Variants in SPATA7 observed in about 807,000 individuals in gnomAD.
The protein encoded by SPATA7 is spermatogenesis-associated protein 7.
Under a neutral mutation model 51.8 loss-of-function variants are expected in SPATA7, and 43 were observed. That is an observed-to-expected ratio of 0.83 (90% CI 0.65 to 1.07). The LOEUF (loss-of-function observed/expected upper bound fraction) is 1.07, where lower values mean the gene tolerates loss of function less well. Among genes scored for constraint, SPATA7 ranks in the 50% least tolerant of loss-of-function variants. SPATA7 has a pLI of 0.00. For synonymous variants in SPATA7, 230 were observed against 252.8 expected, an observed-to-expected ratio of 0.91 and a Z score of 0.86; for missense variants, 683 against 701.3, an observed-to-expected ratio of 0.97 and a Z score of 0.30.
chr14:88,438,364 A>C lies in SPATA7; in HGVS notation c.1742A>C (p.Glu581Ala), dbSNP rs1267851859. 6.2e-7 allele frequency: 1 copy of C among 1,614,054 alleles called. No individual in the cohort carries two copies. ...SVKGDNNHDM[E>A]LSTLKIMEMS... Reference sequence around the variant, plus strand: ...AAAGGCGACAATAATCATGACATGGAGTTATCAACTCTTAAAATCATGGAA... The same window carrying C: ...AAAGGCGACAATAATCATGACATGGCGTTATCAACTCTTAAAATCATGGAA... The change falls in exon 12 of 12, where the codon GAG (glutamate) becomes GCG (alanine). Residue 581 changes from glutamate (E) to alanine (A), a missense_variant. Physicochemically the swap from Glu to Ala is moderately radical, Grantham distance 107. Coordinates refer to ENST00000393545, the MANE Select transcript of SPATA7 (RefSeq NM_018418.5).
At chr14:88,427,358 A>G (rs766338094) in intron 6 of SPATA7, among the ~76,000 whole-genome samples, 1 of 152,234 alleles carries the variant, frequency 6.6e-6, no homozygotes. Context: ...AGTATTACAT[A>G]AACAATTTAT....
Position 88,469,195 on chromosome 14 carries a change from C to CAG in SPATA7, c.255-651_255-650dup, listed in dbSNP as rs764330613. 6.8e-6 allele frequency: 8 copies of CAG among 1,169,266 alleles called. No homozygotes were observed. In the East Asian group the frequency reaches 1.0e-4, roughly 15 times the overall value. The allele number at this position is 1,169,266 out of a possible 1,614,324, so 72.4% of individuals were successfully genotyped here. ...ACTGCAGATAAAGAGCACTGGGTGC[C>CAG]AGTGAACCAAACCCAACCACAAAGG... On this transcript the variant is annotated intron_variant, in intron 4 of 4. Coordinates refer to the SPATA7 transcript ENST00000556406. This position sits in a 1 kb window ranked among gnomAD's most constrained non-coding sequence, Gnocchi z 4.3.
chr14:88,419,780 C>A (rs577844654), intron 5 of SPATA7, among the ~76,000 whole-genome samples: 53 of 152,096 alleles, frequency 3.5e-4, no homozygotes, highest in Non-Finnish European at 5.7e-4. Flanking sequence ...CTGCCTCGGC[C>A]TCCCAAAGTG....
chr14:88,391,474 A>G lies in SPATA7; in HGVS notation c.94+19A>G. ...AGTAATGGTAAGTGAGGTGCTTAAA[A>G]CGGCAGCTTTGTTAGAAGATTGTCT... On this transcript the variant is annotated intron_variant, in intron 2 of 11. Coordinates refer to ENST00000393545, the MANE Select transcript of SPATA7 (RefSeq NM_018418.5). 1 of 1,606,448 alleles carries G rather than the reference A, an allele frequency of 6.2e-7. No homozygotes were observed. Among genetic ancestry groups the G allele is most frequent in the South Asian group, 1.1e-5 (1 of 90,720 alleles).
chr14:88,441,758 A>G (rs1344534125), downstream of SPATA7, among the ~76,000 whole-genome samples: 1 of 152,130 alleles, frequency 6.6e-6, no homozygotes, highest in East Asian at 1.9e-4. Flanking sequence ...CCTTTGTCAG[A>G]TGTATAGATT....
intron 4 of SPATA7, among the ~76,000 whole-genome samples, chr14:88,410,090 T>A (rs1482789224): frequency 6.6e-6 from 1 of 152,216 alleles, no homozygotes; most frequent in Non-Finnish European, 1.5e-5. Flanking sequence ...GAGAGTTCTG[T>A]AGATGTCTAG....
intron 4 of SPATA7, among the ~76,000 whole-genome samples, chr14:88,405,543 C>T (rs1306873583): frequency 7.2e-5 from 11 of 152,076 alleles, no homozygotes; most frequent in Non-Finnish European, 1.2e-4. Flanking sequence ...AATGTGTGTC[C>T]ATAGTATTTA....
At chr14:88,431,119 T>C in intron 8 of SPATA7, 53 bp from the exon 9 acceptor site, 2 of 1,466,820 alleles carry the variant, frequency 1.4e-6, no homozygotes, top group Non-Finnish European at 1.9e-6. Flanking sequence ...TATTGAGTAC[T>C]TATTGTATGC....
At chr14:88,396,069 G>A (rs1290613724) in intron 3 of SPATA7, 87 bp from the exon 4 acceptor site, 12 of 1,046,044 alleles carry the variant, frequency 1.1e-5, no homozygotes, top group Non-Finnish European at 1.3e-5. Context: ...CAGCTGCAAG[G>A]TCTGGAACAT....
rs1400814162 is a variant in SPATA7, at chr14:88,469,552, T to C, written c.255-295T>C. ...GCCATGTTCAGGCCAGTCTGTGTAT[T>C]GGAGGTGCCAGACGGTCCTCTCTTG... is the stretch of plus-strand genomic sequence containing the variant. On this transcript the variant is annotated intron_variant, in intron 4 of 4. Coordinates refer to the SPATA7 transcript ENST00000556406. This position sits in a 1 kb window ranked among gnomAD's most constrained non-coding sequence, Gnocchi z 4.3. 6.2e-7 allele frequency: 1 copy of C among 1,614,080 alleles called. No individual in the cohort carries two copies. Among genetic ancestry groups the C allele is most frequent in the Admixed American group, 1.7e-5 (1 of 60,004 alleles).
intron 1 of SPATA7, among the ~76,000 whole-genome samples, chr14:88,387,009 G>C (rs571864572): frequency 1.3e-5 from 2 of 152,222 alleles, no homozygotes; most frequent in African/African-American, 4.8e-5. Flanking sequence ...TATGTACTAG[G>C]AACTATTTCC....
rs1390712284 is a variant in SPATA7 at position 88,424,844 on chromosome 14, G to A, written c.373-1388G>A. ...AATAAGGTTATAAAACAGTTGGAAA[G>A]GAAAGGTGATTTGACATATTTTAGA... On this transcript the variant is annotated intron_variant, in intron 5 of 11. Coordinates refer to ENST00000393545, the MANE Select transcript of SPATA7 (RefSeq NM_018418.5). Among the ~76,000 whole-genome samples, 7 of 152,228 alleles carry A rather than the reference G, an allele frequency of 4.6e-5. No individual in the cohort carries two copies. In the South Asian group the frequency reaches 1.2e-3, roughly 27 times the overall value.
At position 88,468,962 on chromosome 14, in the gene SPATA7, A is replaced by G. The variant is rs1473453081; in HGVS notation, c.255-885A>G. ...GATCATGATCTCCGACAAAATCACC[A>G]CGCCAGTCCTTCCTACCCCAGCACT... On this transcript the variant is annotated intron_variant, in intron 4 of 4. Transcript: ENST00000556406. 1 of 1,614,072 alleles carries G rather than the reference A, an allele frequency of 6.2e-7. No individual in the cohort carries two copies. The highest frequency in any genetic ancestry group is 1.7e-5 in the Admixed American group (1 of 60,006).
intron 4 of SPATA7, among the ~76,000 whole-genome samples, chr14:88,464,464 C>T (rs541786224): frequency 3.1e-4 from 47 of 152,290 alleles, no homozygotes; most frequent in African/African-American, 1.1e-3. Context: ...GGCATGGTAG[C>T]TCATGCCTGT....
At chr14:88,446,469 G>A (rs1206398003) in intron 3 of SPATA7, among the ~76,000 whole-genome samples, 1 of 151,832 alleles carries the variant, frequency 6.6e-6, no homozygotes, top group Admixed American at 6.6e-5. Flanking sequence ...AGGGTTTTTT[G>A]TGTCTCTATT....
chr14:88,465,457 A>ACTC (rs1444815964), intron 4 of SPATA7, among the ~76,000 whole-genome samples: 3 of 152,084 alleles, frequency 2.0e-5, no homozygotes, highest in Non-Finnish European at 4.4e-5. Context: ...ATAGAGCAAG[A>ACTC]CTCCGTCTCA....
At position 88,391,395 on chromosome 14, in the gene SPATA7, G is replaced by C; in HGVS notation, c.34G>C (p.Val12Leu). ...DGSRRVRATS[V>L]LPRYGPPCLF... ...CTTGTTAAAAGTCAGAGCAACCTCT[G>C]TCCTTCCCAGATATGGTCCACCGTG... Residue 12 changes from valine (V) to leucine (L), a missense_variant, in exon 2 of 12, where the codon GTC becomes CTC. By Grantham distance (32) the Val-to-Leu change is conservative. Coordinates refer to ENST00000393545, the MANE Select transcript of SPATA7 (RefSeq NM_018418.5). 1 of 1,613,058 alleles carries C rather than the reference G, an allele frequency of 6.2e-7. No homozygotes were observed. The highest frequency in any genetic ancestry group is 1.1e-5 in the South Asian group (1 of 90,974).
chr14:88,468,809 C>G (rs1393446981), intron 4 of SPATA7: 2 of 1,424,912 alleles, frequency 1.4e-6, no homozygotes, highest in Admixed American at 1.7e-5. Flanking sequence ...TTGAGGCCAC[C>G]ACAGTCCAAG....
chr14:88,392,902 C>A (rs2075781429), intron 2 of SPATA7, among the ~76,000 whole-genome samples: 1 of 149,944 alleles, frequency 6.7e-6, no homozygotes, highest in African/African-American at 2.5e-5. Flanking sequence ...TTTAGTACTT[C>A]AAAAAGAATG....
Sources: allele counts gnomAD v4.1 joint callset (sites outside exome capture counted in the v4.1 genomes callset), GRCh38; gene constraint gnomAD v4.1.1; non-coding constraint Gnocchi (gnomAD v3.1); transcripts MANE v1.5; gene names NCBI Gene and HGNC (gene_info 2026-07-23, HGNC 2026-07-21).